Variants in MROH7 observed in about 807,000 individuals in gnomAD.
MROH7 encodes maestro heat like repeat family member 7, also known as maestro heat-like repeat-containing protein family member 7.
Under a neutral mutation model 129.2 loss-of-function variants are expected in MROH7, and 113 were observed. The observed-to-expected ratio is 0.87, with a 90% CI of 0.75 to 1.02. The LOEUF (loss-of-function observed/expected upper bound fraction) is 1.02. Ranked by LOEUF, MROH7 falls within the 50% of genes least tolerant of loss-of-function variation. The pLI, the probability that MROH7 is intolerant of heterozygous loss-of-function variation, is 0.00. For synonymous variants in MROH7, 655 were observed against 667.9 expected, an observed-to-expected ratio of 0.98 and a Z score of 0.30; for missense variants, 1,601 against 1,671.3, an observed-to-expected ratio of 0.96 and a Z score of 0.73.
intron 15 of MROH7, among the ~76,000 whole-genome samples, chr1:54,690,013 C>A (rs1245544568): frequency 2.6e-5 from 4 of 152,096 alleles, no homozygotes; most frequent in Non-Finnish European, 5.9e-5. Flanking sequence ...GAAAGCAACT[C>A]CATGTCAGAT....
At chr1:54,694,356 A>C (rs1260537043) in intron 16 of MROH7, among the ~76,000 whole-genome samples, 3 of 152,250 alleles carry the variant, frequency 2.0e-5, no homozygotes, top group African/African-American at 7.2e-5. Context: ...ATGGTGGAGC[A>C]TAATGCAGTG....
intron 10 of MROH7, 76 bp from the exon 11 acceptor site, chr1:54,678,666 A>G: frequency 1.0e-6 from 1 of 972,190 alleles, no homozygotes. Context: ...GTTCCTTATG[A>G]TGTAGGGACT....
At chr1:54,660,388 G>A (rs1049497003) in intron 3 of MROH7, among the ~76,000 whole-genome samples, 1 of 152,192 alleles carries the variant, frequency 6.6e-6, no homozygotes, top group Non-Finnish European at 1.5e-5. Flanking sequence ...TGGAGATTAA[G>A]TTCAACATGA....
At chr1:54,704,678 T>G (rs1287137659) in intron 21 of MROH7, among the ~76,000 whole-genome samples, 1 of 151,776 alleles carries the variant, frequency 6.6e-6, no homozygotes, top group Non-Finnish European at 1.5e-5. Context: ...ACTCCTGACC[T>G]CAGGTGATCT....
intron 3 of MROH7, chr1:54,663,930 GA>G (rs1284960981): frequency 2.4e-5 from 8 of 327,806 alleles, no homozygotes; most frequent in Non-Finnish European, 3.6e-5. Context: ...GTCCTCTGGT[GA>G]TCGAGAATCT....
At position 54,641,948 on chromosome 1, in the gene MROH7, A is replaced by C. The variant is rs1406955693; in HGVS notation, c.-130A>C. 1.3e-5 allele frequency: 2 copies of C among 152,268 alleles called. No individual in the cohort carries two copies. Among genetic ancestry groups the C allele is most frequent in the Non-Finnish European group, 2.9e-5 (2 of 68,082 alleles). The allele number at this position is 152,268 out of a possible 1,614,324, so 9.4% of individuals were successfully genotyped here. A position where few individuals can be genotyped will look rare whatever the true frequency, so the allele number is the denominator to read the frequency against. The stretch of plus-strand genomic sequence containing the variant: ...GCTTAGAGCTGGATTTTCTGTTACC[A>C]TGTGGATGCTCCAGGTGAAGGTAAC... On this transcript the variant is annotated 5_prime_UTR_variant, in exon 1 of 24. It removes an upstream start codon present in the reference 5' UTR. Coordinates refer to ENST00000421030, the MANE Select transcript of MROH7 (RefSeq NM_001039464.4).
intron 18 of MROH7, among the ~76,000 whole-genome samples, chr1:54,700,813 T>G (rs904874347): frequency 6.6e-6 from 1 of 152,236 alleles, no homozygotes; most frequent in Non-Finnish European, 1.5e-5. Flanking sequence ...CAGGCACTGT[T>G]GCAGCTCATG....
chr1:54,656,499 G>A (rs1644648880), intron 3 of MROH7, among the ~76,000 whole-genome samples: 1 of 103,292 alleles, frequency 9.7e-6, no homozygotes. Context: ...GACAGAGCAA[G>A]ACTCCATCTC....
intron 8 of MROH7, among the ~76,000 whole-genome samples, chr1:54,673,453 G>A (rs544104060): frequency 1.4e-4 from 22 of 152,048 alleles, no homozygotes; most frequent in Admixed American, 3.9e-4. Flanking sequence ...TTGTCCCTGC[G>A]TCTCTCTTCT....
intron 3 of MROH7, among the ~76,000 whole-genome samples, chr1:54,662,064 G>T (rs1644740644): frequency 6.6e-6 from 1 of 151,354 alleles, no homozygotes; most frequent in African/African-American, 2.4e-5. Flanking sequence ...TACAAACAAT[G>T]TAAAAATTAG....
In MROH7 at chr1:54,679,314, G is replaced by C; in HGVS notation, c.2101G>C (p.Ala701Pro). Residue 701 changes from alanine (A) to proline (P), a missense_variant, in exon 12 of 24, where the codon GCC becomes CCC. Physicochemically the swap from Ala to Pro is conservative, Grantham distance 27 (BLOSUM62 -1). Coordinates refer to ENST00000421030, the MANE Select transcript of MROH7 (RefSeq NM_001039464.4). ...PQQIKDLLLA[A>P]LEGLKGSSEA... ...GCAGATAAAGGACCTGCTGCTGGCC[G>C]CCCTGGAAGGGCTGAAAGGCAGCTC... 1.2e-6 allele frequency: 2 copies of C among 1,614,206 alleles called. No individual in the cohort carries two copies. The highest frequency in any genetic ancestry group is 1.7e-6 in the Non-Finnish European group (2 of 1,180,048).
chr1:54,665,250 C>T lies in MROH7; in HGVS notation c.1305+10C>T. On this transcript the variant is annotated intron_variant, in intron 4 of 23. Transcript: ENST00000421030. The stretch of plus-strand genomic sequence containing the variant: ...CAACAACATGGCTCTGGTATGCCTC[C>T]TGCCCAACCCCTAGCTGACTGTGCT... 2.5e-6 allele frequency: 4 copies of T among 1,611,148 alleles called. No individual in the cohort carries two copies. Among genetic ancestry groups the T allele is most frequent in the Non-Finnish European group, 3.4e-6 (4 of 1,177,638 alleles).
intron 23 of MROH7, 88 bp downstream of exon 23, chr1:54,709,164 G>C: frequency 7.9e-7 from 1 of 1,269,314 alleles, no homozygotes; most frequent in Non-Finnish European, 1.2e-6. Context: ...GGGAAGGGAT[G>C]TGTCCCAAGA....
intron 3 of MROH7, chr1:54,663,696 A>AC (rs1253505568): frequency 7.5e-6 from 3 of 400,666 alleles, no homozygotes; most frequent in South Asian, 3.5e-5. Flanking sequence ...AAAAAAAAAA[A>AC]AAAAACAAAA....
chr1:54,652,403 A>G (rs1557690169), intron 2 of MROH7, among the ~76,000 whole-genome samples: 1 of 151,854 alleles, frequency 6.6e-6, no homozygotes, highest in Admixed American at 6.6e-5. Context: ...TCATTTGTCT[A>G]TTTGTAAGCT....
Position 54,679,876 on chromosome 1 carries a change from C to T in MROH7, c.2227-15C>T. The T allele has an allele frequency of 6.2e-7, 1 of 1,600,588 alleles. No homozygotes were observed. The highest frequency in any genetic ancestry group is 8.5e-7 in the Non-Finnish European group (1 of 1,174,928). On this transcript the variant is annotated splice_polypyrimidine_tract_variant and intron_variant, in intron 12 of 23. Transcript: ENST00000421030. ...GGCAGTCCCCTTGCTCATGGCTGCC[C>T]CGGCTGTGCCCCAGATCCCAGAAAT...
In MROH7 at chr1:54,702,190, GCACCTTGGTGCCCCTA is replaced by G; in HGVS notation, c.3388_3403del (p.Thr1130CysfsTer2). On this transcript the variant is annotated frameshift_variant, in exon 20 of 24. Coordinates refer to ENST00000421030, the MANE Select transcript of MROH7 (RefSeq NM_001039464.4). LOFTEE classifies it high-confidence loss of function. ...CAGGCCATGGAGGAGCAGCTGGTCA[GCACCTTGGTGCCCCTA>G]CTGCTGACCATGCAGGAGGGCAACT... 1 of 1,599,512 alleles carries G rather than the reference GCACCTTGGTGCCCCTA, an allele frequency of 6.3e-7. No homozygotes were observed. Among genetic ancestry groups the G allele is most frequent in the Non-Finnish European group, 8.5e-7 (1 of 1,173,696 alleles).
intron 1 of MROH7, among the ~76,000 whole-genome samples, chr1:54,650,045 C>T (rs1196732355): frequency 6.6e-6 from 1 of 152,212 alleles, no homozygotes; most frequent in Non-Finnish European, 1.5e-5. Flanking sequence ...ATGAAGGCAG[C>T]TTCCACTGGG....
chr1:54,665,160 C>T lies in MROH7; in HGVS notation c.1232-7C>T. 1 of 1,612,642 alleles carries T rather than the reference C, an allele frequency of 6.2e-7. No individual in the cohort carries two copies. Among genetic ancestry groups the T allele is most frequent in the Non-Finnish European group, 8.5e-7 (1 of 1,179,058 alleles). On this transcript the variant is annotated splice_polypyrimidine_tract_variant and splice_region_variant and intron_variant, in intron 3 of 23. Transcript: ENST00000421030. Reference sequence around the variant, plus strand: ...ATCCACCTTCTCATTGAAATCGTGCCCTGCAGGAGCCTTTGATGAAGTGAC... The same window carrying T: ...ATCCACCTTCTCATTGAAATCGTGCTCTGCAGGAGCCTTTGATGAAGTGAC...
Sources: gnomAD v4.1 joint callset for allele counts (sites outside exome capture counted in the v4.1 genomes callset) on GRCh38, gnomAD v4.1.1 for gene constraint, MANE v1.5 for transcripts, NCBI Gene and HGNC (gene_info 2026-07-23, HGNC 2026-07-21) for gene names.